Variants in NXPE2 observed in about 807,000 individuals in gnomAD.
NXPE2 encodes the protein neurexophilin and PC-esterase domain family member 2, also known as NXPE family member 2.
Under a neutral mutation model 34.4 loss-of-function variants are expected in NXPE2, and 34 were observed. The observed-to-expected ratio is 0.99, with a 90% CI of 0.75 to 1.31. The LOEUF is 1.31. Among genes scored for constraint, NXPE2 ranks in the 40% most tolerant of loss-of-function variants. NXPE2 has a pLI of 0.00. For missense variants in NXPE2, 649 were observed against 672.5 expected, an observed-to-expected ratio of 0.97 and a Z score of 0.39; for synonymous variants, 235 against 231.3, an observed-to-expected ratio of 1.02 and a Z score of -0.15.
At chr11:114,609,643 G>A in the NXPE2 span, among the ~76,000 whole-genome samples, 5 of 151,490 alleles carry the variant, frequency 3.3e-5, no homozygotes, top group Non-Finnish European at 7.4e-5. Flanking sequence ...AATAAGTGTG[G>A]CCTCGTGGGT....
At chr11:114,668,575 A>G in the NXPE2 span, among the ~76,000 whole-genome samples, 1 of 152,114 alleles carries the variant, frequency 6.6e-6, no homozygotes, top group Non-Finnish European at 1.5e-5. Flanking sequence ...AGTTCTCCAG[A>G]TAAACACAGC....
the NXPE2 span, among the ~76,000 whole-genome samples, chr11:114,731,643 T>C: frequency 6.6e-6 from 1 of 152,338 alleles, no homozygotes; most frequent in Admixed American, 6.5e-5. Flanking sequence ...TACTGTATTG[T>C]TTAATTGATG....
chr11:114,752,875 C>G, the NXPE2 span, among the ~76,000 whole-genome samples: 1 of 151,950 alleles, frequency 6.6e-6, no homozygotes, highest in Admixed American at 6.6e-5. Flanking sequence ...TTACGAGTAT[C>G]CAGGATATTT....
the NXPE2 span, among the ~76,000 whole-genome samples, chr11:114,668,938 A>C: frequency 6.6e-6 from 1 of 152,134 alleles, no homozygotes. Context: ...TTTGATTAGA[A>C]GAATGGAATC....
the NXPE2 span, among the ~76,000 whole-genome samples, chr11:114,475,955 A>G: frequency 1.3e-5 from 2 of 152,212 alleles, no homozygotes; most frequent in Non-Finnish European, 2.9e-5. Flanking sequence ...AAATGATGTG[A>G]CTGGTCACTG....
At chr11:114,535,540 C>T in the NXPE2 span, among the ~76,000 whole-genome samples, 2 of 152,138 alleles carry the variant, frequency 1.3e-5, no homozygotes, top group Non-Finnish European at 2.9e-5. Flanking sequence ...GGAAACCCAT[C>T]TCACATGCAG....
the NXPE2 span, among the ~76,000 whole-genome samples, chr11:114,635,401 C>T: frequency 2.0e-5 from 3 of 151,096 alleles, no homozygotes; most frequent in Admixed American, 6.6e-5. Flanking sequence ...ACAATCATGT[C>T]GTCTGCAAAC....
the NXPE2 span, among the ~76,000 whole-genome samples, chr11:114,499,445 A>G: frequency 5.2e-4 from 79 of 152,284 alleles, no homozygotes; most frequent in Middle Eastern, 3.4e-3. Context: ...AAATGAATAT[A>G]TTTAAGGCTA....
chr11:114,711,873 G>A (rs1859620312), downstream of NXPE2, among the ~76,000 whole-genome samples: 2 of 152,122 alleles, frequency 1.3e-5, no homozygotes. Flanking sequence ...CAATAATTAA[G>A]ATGGTGTGGT....
chr11:114,690,725 G>A (rs1007756631), intron 2 of NXPE2, among the ~76,000 whole-genome samples: 1 of 152,066 alleles, frequency 6.6e-6, no homozygotes, highest in Non-Finnish European at 1.5e-5. Flanking sequence ...AAATGCCAGT[G>A]AGTCATAGAT....
the NXPE2 span, among the ~76,000 whole-genome samples, chr11:114,784,442 C>A: frequency 1.3e-5 from 2 of 152,148 alleles, no homozygotes; most frequent in Non-Finnish European, 2.9e-5. Context: ...CAGCTGTCTG[C>A]GGCAAAGATG....
chr11:114,738,791 C>T, the NXPE2 span, among the ~76,000 whole-genome samples: 1 of 152,122 alleles, frequency 6.6e-6, no homozygotes, highest in South Asian at 2.1e-4. Context: ...TCATGCCCCC[C>T]ACCTTATGCT....
At chr11:114,700,820 A>G (rs534599038) in intron 3 of NXPE2, among the ~76,000 whole-genome samples, 93 of 152,224 alleles carry the variant, frequency 6.1e-4, no homozygotes, top group African/African-American at 2.2e-3. Context: ...TTGGCCACAG[A>G]CCACTTATTT....
the NXPE2 span, among the ~76,000 whole-genome samples, chr11:114,478,321 G>A: frequency 9.8e-5 from 15 of 152,306 alleles, no homozygotes; most frequent in African/African-American, 2.6e-4. Context: ...ATTTCAAAGA[G>A]ATGGCTTCCA....
intron 4 of NXPE2, among the ~76,000 whole-genome samples, chr11:114,704,770 C>T (rs972564544): frequency 2.6e-5 from 4 of 152,170 alleles, no homozygotes; most frequent in African/African-American, 9.7e-5. Context: ...ATGTAAAGTT[C>T]ACAATCTATG....
chr11:114,705,272 A>T (rs73005626), intron 4 of NXPE2, among the ~76,000 whole-genome samples: 8,597 of 152,312 alleles, frequency 0.056, 300 homozygotes, highest in Non-Finnish European at 0.081. Context: ...TAAGGATTTT[A>T]AAAAAAGTAT....
chr11:114,499,858 A>C, the NXPE2 span, among the ~76,000 whole-genome samples: 5 of 152,192 alleles, frequency 3.3e-5, no homozygotes, highest in East Asian at 3.9e-4. Context: ...GTGTATATGA[A>C]ATCTTACAGT....
chr11:114,676,914 T>C (rs1950864572), upstream of NXPE2, among the ~76,000 whole-genome samples: 2 of 151,976 alleles, frequency 1.3e-5, no homozygotes, highest in Admixed American at 6.6e-5. Flanking sequence ...ACATAAACAG[T>C]TGGGTGTTGC....
At chr11:114,536,425 C>T in the NXPE2 span, among the ~76,000 whole-genome samples, 1 of 152,088 alleles carries the variant, frequency 6.6e-6, no homozygotes, top group African/African-American at 2.4e-5. Flanking sequence ...CAAGAAATAA[C>T]TAAGATCAGA....
Sources: gnomAD v4.1 joint callset for allele counts (sites outside exome capture counted in the v4.1 genomes callset) on GRCh38, gnomAD v4.1.1 for gene constraint, MANE v1.5 for transcripts, NCBI Gene and HGNC (gene_info 2026-07-23, HGNC 2026-07-21) for gene names.